The following RALGDS variants were observed in gnomAD, a reference collection of about 807,000 sequenced individuals.
The protein encoded by RALGDS is ral guanine nucleotide dissociation stimulator.
Under a neutral mutation model 99.8 loss-of-function variants are expected in RALGDS, and 44 were observed. The ratio of observed to expected loss-of-function variants is 0.44; its 90% CI spans 0.35 to 0.57. The LOEUF is 0.57. Among genes scored for constraint, RALGDS ranks in the 20% least tolerant of loss-of-function variants. RALGDS has a pLI of 0.01. For missense variants in RALGDS, 1,022 were observed against 1,203.1 expected (o/e 0.85, Z 2.23); for synonymous variants, 529 against 505.0 (o/e 1.05, Z -0.64).
rs957844152 is a variant in RALGDS, at chr9:133,108,795, G to C, written c.656C>G (p.Pro219Arg). 1.9e-6 allele frequency: 3 copies of C among 1,613,500 alleles called. No homozygotes were observed. In the Admixed American group the frequency reaches 5.0e-5, roughly 27 times the overall value. The change falls in exon 5 of 18, where the codon CCC becomes CGC. Residue 219 changes from proline to arginine, a missense_variant. By Grantham distance (103) the Pro-to-Arg change is moderately radical. This residue lies in a region of RALGDS where 825 missense variants were observed against 994.5 expected (regional missense o/e 0.83). Transcript: ENST00000372050. ...SEDFCQPPDF[P>R]CLKQLVAYVQ... ...GTAGGCCACCAGCTGCTTGAGGCAG[G>C]GAAAGTCCGGAGGTTGACAGAAATC...
At chr9:133,148,910 C>T (rs1025769701) in intron 1 of RALGDS, 65 of 1,587,234 alleles carry the variant, frequency 4.1e-5, no homozygotes, top group Non-Finnish European at 5.6e-5. Context: ...TGGGCTGGGG[C>T]ATACGGTCCT....
At chr9:133,148,885 T>C in intron 1 of RALGDS, 5 of 1,515,794 alleles carry the variant, frequency 3.3e-6, no homozygotes, top group East Asian at 2.5e-5. Context: ...CCGGGCTCCC[T>C]CCCCCCGGTG....
intron 1 of RALGDS, chr9:133,130,884 G>A: frequency 7.0e-7 from 1 of 1,430,640 alleles, no homozygotes. Flanking sequence ...AACACTCAGA[G>A]CCCCAACCCC....
At chr9:133,106,122 G>A (rs1435127829) in intron 8 of RALGDS, 106 bp from the exon 9 acceptor site, 5 of 850,982 alleles carry the variant, frequency 5.9e-6, no homozygotes, top group East Asian at 2.8e-5. Flanking sequence ...CTGCCTGAAC[G>A]CAGCACACAG....
intron 1 of RALGDS, among the ~76,000 whole-genome samples, chr9:133,136,370 G>T (rs1305436623): frequency 6.6e-6 from 1 of 152,206 alleles, no homozygotes; most frequent in Non-Finnish European, 1.5e-5. Flanking sequence ...GGGCGCGGTG[G>T]CTCACGCCTG....
chr9:133,139,521 G>A (rs1832484824), intron 1 of RALGDS, among the ~76,000 whole-genome samples: 1 of 152,230 alleles, frequency 6.6e-6, no homozygotes, highest in African/African-American at 2.4e-5. Flanking sequence ...CAGGTGGACT[G>A]CTTCACCCTT....
intron 1 of RALGDS, among the ~76,000 whole-genome samples, chr9:133,140,573 G>A (rs1278988237): frequency 6.6e-6 from 1 of 152,132 alleles, no homozygotes; most frequent in Non-Finnish European, 1.5e-5. Flanking sequence ...CCAGCAGGCA[G>A]TGGGTCCCGG....
In RALGDS at chr9:133,115,917, C is replaced by G. The variant is rs564949475; in HGVS notation, c.184-3765G>C. Among the ~76,000 whole-genome samples, 4 of 152,380 alleles carry G rather than the reference C, an allele frequency of 2.6e-5. No individual in the cohort carries two copies. The East Asian group carries it at 7.7e-4, about 29-fold the overall frequency. On this transcript the variant is annotated intron_variant, in intron 1 of 17. Transcript: ENST00000372050. ...CAGAAGCCAAACGTAAAACGCATCACAGAAGGCTGCTCGCTCTCTACAGAG... is the reference window on the plus strand; with the variant it reads ...CAGAAGCCAAACGTAAAACGCATCAGAGAAGGCTGCTCGCTCTCTACAGAG...
At chr9:133,099,162 C>T (rs1830629458) in intron 17 of RALGDS, 1 of 219,796 alleles carries the variant, frequency 4.5e-6, no homozygotes, top group African/African-American at 2.3e-5. Flanking sequence ...TGCCCCAGGG[C>T]TCTGGCGCCC....
At position 133,101,567 on chromosome 9, in the gene RALGDS, G is replaced by A; in HGVS notation, c.2407C>T (p.Arg803Cys). ...CCATTGTCCACGTCCAGGCTGACGC[G>A]GATGATACAGCAGTCGCCCACCTGC... ...NQQVGDCCII[R>C]VSLDVDNGNM... The change falls in exon 16 of 18, where the codon CGC becomes TGC. Residue 803 changes from arginine to cysteine, a missense_variant. Physicochemically the swap from Arg to Cys is radical, Grantham distance 180 (BLOSUM62 -3). Around this residue, in one of 3 missense-constraint regions of RALGDS, gnomAD observed 825 missense variants for 994.5 expected, o/e 0.83. Transcript: ENST00000372050. 6.2e-7 allele frequency: 1 copy of A among 1,612,482 alleles called. No individual in the cohort carries two copies. Among genetic ancestry groups the A allele is most frequent in the East Asian group, 2.2e-5 (1 of 44,886 alleles).
At chr9:133,143,127 A>ACTATT in intron 1 of RALGDS, among the ~76,000 whole-genome samples, 1 of 152,252 alleles carries the variant, frequency 6.6e-6, no homozygotes, top group African/African-American at 2.4e-5. Flanking sequence ...AGAGGGAAGG[A>ACTATT]CTCTGTGGAG....
rs1372240544 is a variant in RALGDS, at chr9:133,108,357, A to C, written c.828T>G (p.Ala276=). 3 of 1,538,780 alleles carry C rather than the reference A, an allele frequency of 1.9e-6. No individual in the cohort carries two copies. Among genetic ancestry groups the C allele is most frequent in the Non-Finnish European group, 2.6e-6 (3 of 1,146,868 alleles). Residue 276 remains alanine, a synonymous_variant, in exon 6 of 18, where the codon GCT becomes GCG. Transcript: ENST00000372050. ...ALKPTPELEL[A]LTPARAPSPV... is the part of the protein sequence containing the mutation. Reference sequence around the variant, plus strand: ...GGCTGGGTGCTCGAGCTGGTGTTAGAGCTAGCTCGAGCTCTGGAGTTGGTT... The same window carrying C: ...GGCTGGGTGCTCGAGCTGGTGTTAGCGCTAGCTCGAGCTCTGGAGTTGGTT...
upstream of RALGDS, among the ~76,000 whole-genome samples, chr9:133,121,488 C>T (rs1292036627): frequency 6.6e-6 from 1 of 152,194 alleles, no homozygotes; most frequent in Non-Finnish European, 1.5e-5. Context: ...GGAGGACCGG[C>T]TGTCACGTGT....
At chr9:133,121,783 G>T (rs1831957322), upstream of RALGDS, among the ~76,000 whole-genome samples, 1 of 152,242 alleles carries the variant, frequency 6.6e-6, no homozygotes, top group Non-Finnish European at 1.5e-5. Context: ...TGGACATGAA[G>T]CACTCAGCAC....
At chr9:133,148,206 T>C (rs1693705374) in intron 1 of RALGDS, among the ~76,000 whole-genome samples, 1 of 152,042 alleles carries the variant, frequency 6.6e-6, no homozygotes, top group Non-Finnish European at 1.5e-5. Flanking sequence ...GGCCAAACAT[T>C]CCAATTTATA....
upstream of RALGDS, among the ~76,000 whole-genome samples, chr9:133,132,942 C>T (rs767887604): frequency 2.3e-4 from 35 of 152,214 alleles, no homozygotes; most frequent in Admixed American, 1.7e-3. Context: ...TGGCCAGAAG[C>T]GCTCAACTTT....
intron 4 of RALGDS, 44 bp downstream of exon 4, chr9:133,109,582 C>G (rs779587989): frequency 3.9e-6 from 6 of 1,534,778 alleles, no homozygotes; most frequent in Non-Finnish European, 5.4e-6. Flanking sequence ...TCCCACTGTT[C>G]GGTGGGGACA....
Position 133,110,316 on chromosome 9 carries a change from G to A in RALGDS, c.468C>T (p.Val156=). 2 of 1,613,828 alleles carry A rather than the reference G, an allele frequency of 1.2e-6. No individual in the cohort carries two copies. Among genetic ancestry groups the A allele is most frequent in the Non-Finnish European group, 1.7e-6 (2 of 1,179,948 alleles). Reference sequence around the variant, plus strand: ...CTCACCTTTTGAACAGCAGGTCCAGGACCTGTTGGGTGGTGGTGAAGGCTC... The same window carrying A: ...CTCACCTTTTGAACAGCAGGTCCAGAACCTGTTGGGTGGTGGTGAAGGCTC... ...TYRAFTTTQQ[V]LDLLFKRYGR... Residue 156 remains valine, a synonymous_variant, in exon 3 of 18, where the codon GTC becomes GTT. Coordinates refer to ENST00000372050, the MANE Select transcript of RALGDS (RefSeq NM_006266.4).
upstream of RALGDS, among the ~76,000 whole-genome samples, chr9:133,124,697 ACT>A (rs1447493361): frequency 6.6e-6 from 1 of 152,126 alleles, no homozygotes; most frequent in African/African-American, 2.4e-5. Flanking sequence ...GGCGGGCCTG[ACT>A]CTGCCTCACA....
Sources: gnomAD v4.1 joint callset for allele counts (sites outside exome capture counted in the v4.1 genomes callset) on GRCh38, gnomAD v4.1.1 for gene constraint, gnomAD v4.1.1 regional missense constraint, MANE v1.5 for transcripts, NCBI Gene and HGNC (gene_info 2026-07-23, HGNC 2026-07-21) for gene names.